Variants in REL observed in about 807,000 individuals in gnomAD.
REL encodes the protein proto-oncogene c-Rel.
REL carries 15 observed loss-of-function variants against 45.9 expected under a neutral mutation model. The observed-to-expected ratio is 0.33, with a 90% CI of 0.22 to 0.50. The LOEUF (loss-of-function observed/expected upper bound fraction) is 0.50, where lower values mean the gene tolerates loss of function less well. REL is among the 20% of genes least tolerant of loss of function. The pLI, the probability that REL is intolerant of heterozygous loss-of-function variation, is 0.98. For synonymous variants in REL, 239 were observed against 242.1 expected (o/e 0.99, Z 0.12); for missense variants, 601 against 715.2 (o/e 0.84, Z 1.82).
intron 3 of REL, chr2:60,899,001 C>G (rs1043289449): frequency 1.3e-5 from 2 of 152,056 alleles, no homozygotes; most frequent in African/African-American, 4.8e-5. Flanking sequence ...CCCTAATATT[C>G]CGTGAATAGC....
At position 60,891,822 on chromosome 2, in the gene REL, C is replaced by G; in HGVS notation, c.150C>G (p.Ile50Met). 6.2e-7 allele frequency: 1 copy of G among 1,612,346 alleles called. No homozygotes were observed. The highest frequency in any genetic ancestry group is 8.5e-7 in the Non-Finnish European group (1 of 1,179,164). The change falls in exon 2 of 10, where the codon ATC (isoleucine) becomes ATG (methionine). Residue 50 changes from isoleucine (I) to methionine (M), a missense_variant. By Grantham distance (10) the Ile-to-Met change is conservative (BLOSUM62 1). Transcript: ENST00000394479. Reference protein sequence around the residue: ...STDNNRTYPSIQIMNYYGKGK... With the variant: ...STDNNRTYPSMQIMNYYGKGK... ...ACAACAACCGAACATACCCTTCTAT[C>G]CAGGTAATAGACCCTTCTTCTGTGT...
At position 60,914,654 on chromosome 2, in the gene REL, G is replaced by C. The variant is rs183966563; in HGVS notation, c.395-2223G>C. Reference sequence around the variant, plus strand: ...ATTTCCCTGGTCCCCTTCTCGCTCAGTTCCCTACCCTGCCTCTGCCTCAGG... The same window carrying C: ...ATTTCCCTGGTCCCCTTCTCGCTCACTTCCCTACCCTGCCTCTGCCTCAGG... On this transcript the variant is annotated intron_variant, in intron 4 of 9. Transcript: ENST00000394479. 1.8e-3 allele frequency among the ~76,000 whole-genome samples: 270 copies of C among 152,122 alleles called. 1 individual carries two copies. Among genetic ancestry groups the C allele is most frequent in the Middle Eastern group, 6.8e-3 (2 of 294 alleles).
chr2:60,900,811 C>T (rs547911172), intron 3 of REL, 181 bp from the exon 4 acceptor site: 11 of 537,248 alleles, frequency 2.0e-5, no homozygotes, highest in Admixed American at 4.4e-5. Flanking sequence ...GCACAAGCCA[C>T]GCGCCCAGCC....
intron 4 of REL, among the ~76,000 whole-genome samples, chr2:60,914,938 TCTC>T (rs1673922007): frequency 6.6e-6 from 1 of 151,756 alleles, no homozygotes; most frequent in African/African-American, 2.4e-5. Context: ...GGTTCACCAT[TCTC>T]CTGCCTCAGC....
chr2:60,918,209 A>T lies in REL; in HGVS notation c.554A>T (p.Glu185Val). Residue 185 changes from glutamate (E) to valine (V), a missense_variant, in exon 6 of 10, where the codon GAA becomes GTA. Glu to Val is a moderately radical substitution (Grantham distance 121, BLOSUM62 -2). Transcript: ENST00000394479. ...TATTTAGGTGCTCCAAATACTGCAG[A>T]ATTAAGGATTTGTCGTGTAAACAAG... Reference protein sequence around the residue: ...IYDNRAPNTAELRICRVNKNC... With the variant: ...IYDNRAPNTAVLRICRVNKNC... 2 of 1,602,508 alleles carry T rather than the reference A, an allele frequency of 1.2e-6. No individual in the cohort carries two copies. Among genetic ancestry groups the T allele is most frequent in the Non-Finnish European group, 1.7e-6 (2 of 1,172,898 alleles).
intron 1 of REL, among the ~76,000 whole-genome samples, chr2:60,884,848 ATTG>A (rs374592331): frequency 1.3e-5 from 2 of 152,248 alleles, no homozygotes; most frequent in African/African-American, 4.8e-5. Context: ...TTTCAAGAGA[ATTG>A]TTGTTTTTCT....
At position 60,922,441 on chromosome 2, in the gene REL, A is replaced by T; in HGVS notation, c.1670A>T (p.His557Leu). Residue 557 changes from histidine (H) to leucine (L), a missense_variant, in exon 10 of 10, where the codon CAT becomes CTT. His to Leu is a moderately conservative substitution (Grantham distance 99). This residue lies in a region of REL where 334 missense variants were observed against 333.1 expected (regional missense o/e 1.00). Transcript: ENST00000394479. ...GPSNSTNPNS[H>L]GFVQDSQYSG... ...TCAAACAGTACTAATCCAAACAGTC[A>T]TGGTTTTGTTCAAGATAGTCAGTAT... The T allele has an allele frequency of 6.2e-7, 1 of 1,614,032 alleles. No homozygotes were observed. The highest frequency in any genetic ancestry group is 8.5e-7 in the Non-Finnish European group (1 of 1,179,972).
At chr2:60,907,656 T>C (rs986662761) in intron 4 of REL, among the ~76,000 whole-genome samples, 1 of 151,960 alleles carries the variant, frequency 6.6e-6, no homozygotes, top group African/African-American at 2.4e-5. Context: ...ACTAAAACGG[T>C]TGAAAGAATA....
Position 60,918,258 on chromosome 2 carries a change from A to G in REL, c.603A>G (p.Gly201=). The G allele has an allele frequency of 6.2e-7, 1 of 1,608,592 alleles. No individual in the cohort carries two copies. Among genetic ancestry groups the G allele is most frequent in the South Asian group, 1.1e-5 (1 of 90,260 alleles). The change falls in exon 6 of 10, where the codon GGA becomes GGG. Residue 201 remains glycine (G), a synonymous_variant. Transcript: ENST00000394479. ...VNKNCGSVRG[G]DEIFLLCDKV... ...AGAATTGTGGAAGTGTCAGAGGAGG[A>G]GATGAAATATTTCTACTTTGTGACA... is the stretch of plus-strand genomic sequence containing the variant.
intron 4 of REL, among the ~76,000 whole-genome samples, chr2:60,904,065 A>C (rs991871165): frequency 1.3e-5 from 2 of 152,116 alleles, no homozygotes; most frequent in Non-Finnish European, 2.9e-5. Context: ...AATCCTTATA[A>C]CAGCCTACGA....
chr2:60,911,766 C>T (rs369677546), intron 4 of REL, among the ~76,000 whole-genome samples: 275 of 151,802 alleles, frequency 1.8e-3, no homozygotes, highest in African/African-American at 6.3e-3. Context: ...TTTGGGAGGC[C>T]GAGGCGGGCG....
chr2:60,906,925 T>TTTTTTTTTTC (rs1379444628), intron 4 of REL, among the ~76,000 whole-genome samples: 5 of 144,918 alleles, frequency 3.5e-5, no homozygotes, highest in African/African-American at 1.3e-4. Flanking sequence ...TTTTTTTTTT[T>TTTTTTTTTTC]TTTTCTTTTC....
chr2:60,925,245 A>C lies in REL; in HGVS notation c.*2710A>C, dbSNP rs1674241185. 5.1e-6 allele frequency: 1 copy of C among 195,848 alleles called. No homozygotes were observed. Among genetic ancestry groups the C allele is most frequent in the African/African-American group, 2.3e-5 (1 of 43,270 alleles). The allele number at this position is 195,848 out of a possible 1,614,324, so 12.1% of individuals were successfully genotyped here. On this transcript the variant is annotated 3_prime_UTR_variant, in exon 10 of 10. Transcript: ENST00000394479. The stretch of plus-strand genomic sequence containing the variant: ...ATTTTACTTACACGATGTCTAACCA[A>C]ACCATAACTTTACATAAACTAGTCG...
In REL at chr2:60,924,087, G is replaced by C. The variant is rs948963206; in HGVS notation, c.*1552G>C. 4.3e-6 allele frequency: 1 copy of C among 231,542 alleles called. No individual in the cohort carries two copies. The highest frequency in any genetic ancestry group is 2.2e-5 in the African/African-American group (1 of 45,218). The allele number at this position is 231,542 out of a possible 1,614,324, so 14.3% of individuals were successfully genotyped here. A position where few individuals can be genotyped will look rare whatever the true frequency, so the allele number is the denominator to read the frequency against. ...CTGTACTTGGTATTCCCTCTGCCTT[G>C]AATGTTGTTCTCCCAGAAAAATGCA... On this transcript the variant is annotated 3_prime_UTR_variant, in exon 10 of 10. Transcript: ENST00000394479.
intron 4 of REL, among the ~76,000 whole-genome samples, chr2:60,909,697 T>C (rs150876104): frequency 0.017 from 2,563 of 152,246 alleles, 74 homozygotes; most frequent in African/African-American, 0.058. Flanking sequence ...GGTCAAGAGA[T>C]ACAGACCATC....
intron 3 of REL, among the ~76,000 whole-genome samples, chr2:60,898,228 T>A (rs990316328): frequency 2.6e-5 from 4 of 152,256 alleles, no homozygotes; most frequent in Admixed American, 6.5e-5. Context: ...GTGTGATCTT[T>A]TAAAATACAA....
chr2:60,925,326 ATGATAC>A lies in REL; in HGVS notation c.*2794_*2799del, dbSNP rs972053291. On this transcript the variant is annotated 3_prime_UTR_variant, in exon 10 of 10. Transcript: ENST00000394479. ...CATAAAAACAAAAATTCTCAGTTAA[ATGATAC>A]TGGGAAATAGGGAAGACAGCAAAGT... The A allele has an allele frequency of 4.7e-5, 9 of 192,804 alleles. No individual in the cohort carries two copies. The Admixed American group carries it at 5.5e-4, about 12-fold the overall frequency. The allele number at this position is 192,804 out of a possible 1,614,324, so 11.9% of individuals were successfully genotyped here.
At position 60,918,383 on chromosome 2, in the gene REL, T is replaced by G. The variant is rs1218832991; in HGVS notation, c.641-11T>G. Reference sequence around the variant, plus strand: ...TTCCCATTTTTTTTTTTTTGGTTTCTTATTGACTAGATGACATAGAAGTTC... The same window carrying G: ...TTCCCATTTTTTTTTTTTTGGTTTCGTATTGACTAGATGACATAGAAGTTC... On this transcript the variant is annotated splice_polypyrimidine_tract_variant and intron_variant, in intron 6 of 9. Transcript: ENST00000394479. 6 of 1,608,322 alleles carry G rather than the reference T, an allele frequency of 3.7e-6. No homozygotes were observed. The African/African-American group carries it at 6.7e-5, about 18-fold the overall frequency.
At chr2:60,920,177 A>G (rs1674099322) in intron 8 of REL, 68 bp downstream of exon 8, 1 of 1,196,978 alleles carries the variant, frequency 8.4e-7, no homozygotes, top group Middle Eastern at 2.2e-4. Flanking sequence ...CAGTTTTTCA[A>G]ATTTTATTAT....
Sources: allele counts gnomAD v4.1 joint callset (sites outside exome capture counted in the v4.1 genomes callset), GRCh38; gene constraint gnomAD v4.1.1; regional missense constraint gnomAD v4.1.1; transcripts MANE v1.5; gene names NCBI Gene and HGNC (gene_info 2026-07-23, HGNC 2026-07-21).